Variants in CACNA1C observed in about 807,000 individuals in gnomAD.
CACNA1C encodes the protein voltage-dependent L-type calcium channel subunit alpha-1C.
Under a neutral mutation model 229.0 loss-of-function variants are expected in CACNA1C, and 30 were observed. The observed-to-expected ratio is 0.13, with a 90% confidence interval of 0.10 to 0.18. CACNA1C has a LOEUF of 0.18. Ranked by LOEUF, CACNA1C falls within the 10% of genes least tolerant of loss-of-function variation. CACNA1C has a pLI of 1.00. For synonymous variants in CACNA1C, 1,114 were observed against 1,132.5 expected, an observed-to-expected ratio of 0.98 and a Z score of 0.33; for missense variants, 1,658 against 2,845.0, an observed-to-expected ratio of 0.58 and a Z score of 9.49.
At chr12:2,572,325 T>A (rs2055147650) in intron 13 of CACNA1C, among the ~76,000 whole-genome samples, 1 of 141,260 alleles carries the variant, frequency 7.1e-6, no homozygotes, top group Non-Finnish European at 1.6e-5. Context: ...CTCCTCTTCC[T>A]CCTCCTTCTC....
intron 3 of CACNA1C, among the ~76,000 whole-genome samples, chr12:2,402,998 A>G (rs1313405937): frequency 1.3e-5 from 2 of 152,164 alleles, no homozygotes; most frequent in East Asian, 3.8e-4. Flanking sequence ...TGCGAGCTGA[A>G]AGAGATAGAC....
At chr12:2,435,465 C>T (rs118181172) in intron 3 of CACNA1C, among the ~76,000 whole-genome samples, 2,280 of 152,300 alleles carry the variant, frequency 0.015, 28 homozygotes, top group Non-Finnish European at 0.025. Flanking sequence ...GGTGGGCCCT[C>T]GGCACAGGCC....
rs1042052065 is a variant in CACNA1C, at chr12:2,348,518, C to T, written c.478-100458C>T. Among the ~76,000 whole-genome samples, 4 of 152,232 alleles carry T rather than the reference C, an allele frequency of 2.6e-5. No homozygotes were observed. Among genetic ancestry groups the T allele is most frequent in the African/African-American group, 4.8e-5 (2 of 41,460 alleles). ...GGTTTAGGGCTACAAATAGTCTCCC[C>T]GAGGGAATGGGCTCATACGCCGGGT... On this transcript the variant is annotated intron_variant, in intron 3 of 46. Coordinates refer to ENST00000399655, the MANE Select transcript of CACNA1C (RefSeq NM_000719.7). This position sits in a 1 kb window ranked among gnomAD's most constrained non-coding sequence, Gnocchi z 4.7.
At chr12:2,311,131 G>A (rs187977633) in intron 3 of CACNA1C, among the ~76,000 whole-genome samples, 7 of 152,262 alleles carry the variant, frequency 4.6e-5, no homozygotes, top group East Asian at 3.9e-4. Flanking sequence ...CTTTCCTGAC[G>A]TCAGTAGTTT....
rs553713134 is a variant in CACNA1C at position 2,480,902 on chromosome 12, G to A, written c.758-5202G>A. On this transcript the variant is annotated intron_variant, in intron 5 of 46. Transcript: ENST00000399655. ...ATCCAAACAATGGAATCTAACGTTGGCAATGATCTCCAATTCTAGGGTCTT... is the reference window on the plus strand; with the variant it reads ...ATCCAAACAATGGAATCTAACGTTGACAATGATCTCCAATTCTAGGGTCTT... Among the ~76,000 whole-genome samples the A allele has an allele frequency of 2.6e-5, 4 of 152,302 alleles. No individual in the cohort carries two copies. The East Asian group carries it at 7.7e-4, about 29-fold the overall frequency.
chr12:2,105,080 C>T (rs904163503), intron 1 of CACNA1C, among the ~76,000 whole-genome samples: 3 of 152,180 alleles, frequency 2.0e-5, no homozygotes, highest in East Asian at 1.9e-4. Context: ...GCGTTCCTTA[C>T]GAGGCTTCCT....
In CACNA1C at chr12:2,523,322, T is replaced by C. The variant is rs190089007; in HGVS notation, c.1390+10338T>C. Among the ~76,000 whole-genome samples the C allele has an allele frequency of 5.3e-3, 807 of 152,092 alleles. 9 individuals carry two copies. The highest frequency in any genetic ancestry group is 0.019 in the African/African-American group (774 of 41,504). On this transcript the variant is annotated intron_variant, in intron 9 of 46. Transcript: ENST00000399655. The stretch of plus-strand genomic sequence containing the variant: ...CCCTTTGGAATGGTTTAAGAGGCAG[T>C]TTTGTTTGGAAGGAGATGTGTCAAT...
At chr12:2,454,463 T>C (rs2099404086) in intron 4 of CACNA1C, among the ~76,000 whole-genome samples, 2 of 152,152 alleles carry the variant, frequency 1.3e-5, no homozygotes, top group South Asian at 4.1e-4. Flanking sequence ...CCTGCCACCA[T>C]GTCCACCCTC....
chr12:2,225,210 A>G (rs2062612758), intron 3 of CACNA1C, among the ~76,000 whole-genome samples: 1 of 152,234 alleles, frequency 6.6e-6, no homozygotes, highest in Non-Finnish European at 1.5e-5. Flanking sequence ...TGCATCATTA[A>G]AAAGCATTTA....
Position 2,456,272 on chromosome 12 carries a change from C to T in CACNA1C, c.618-1295C>T, listed in dbSNP as rs564405967. Among the ~76,000 whole-genome samples, 3 of 152,336 alleles carry T rather than the reference C, an allele frequency of 2.0e-5. No individual in the cohort carries two copies. The South Asian group carries it at 6.2e-4, about 32-fold the overall frequency. ...TCTAACTTTTCCTCACTACCTCTAA[C>T]ACCACCACTTGTTCTGAGCCACCCA... On this transcript the variant is annotated intron_variant, in intron 4 of 46. Coordinates refer to ENST00000399655, the MANE Select transcript of CACNA1C (RefSeq NM_000719.7).
At chr12:2,327,663 G>A (rs1567074120) in intron 3 of CACNA1C, among the ~76,000 whole-genome samples, 2 of 152,350 alleles carry the variant, frequency 1.3e-5, no homozygotes, top group South Asian at 4.1e-4. Context: ...AGCTTACCTT[G>A]TGGTTGGTTG....
intron 3 of CACNA1C, among the ~76,000 whole-genome samples, chr12:2,260,996 C>T (rs1050206622): frequency 6.6e-5 from 10 of 151,980 alleles, no homozygotes; most frequent in South Asian, 2.1e-4. Context: ...TTTGAGAGGC[C>T]GAGGCTGGCA....
rs533961033 is a variant in CACNA1C at position 2,467,397 on chromosome 12, C to T, written c.757+9691C>T. Among the ~76,000 whole-genome samples, 42 of 152,220 alleles carry T rather than the reference C, an allele frequency of 2.8e-4. 1 individual carries two copies. The South Asian group carries it at 6.6e-3, about 24-fold the overall frequency. On this transcript the variant is annotated intron_variant, in intron 5 of 46. Coordinates refer to ENST00000399655, the MANE Select transcript of CACNA1C (RefSeq NM_000719.7). The surrounding 1 kb of genome is among the most constrained non-coding windows in gnomAD (Gnocchi z 4.6). ...GTGGGCAGGACCCTTGCTTCCTGCA[C>T]GGTCTGCAAGGGGACTCTGATGGCA...
At chr12:2,286,589 C>T (rs765804928) in intron 3 of CACNA1C, among the ~76,000 whole-genome samples, 11 of 152,100 alleles carry the variant, frequency 7.2e-5, no homozygotes, top group African/African-American at 1.2e-4. Context: ...GAGGTTCATT[C>T]GGGGGCTCTT....
Position 2,582,893 on chromosome 12 carries a change from A to G in CACNA1C, c.2175A>G (p.Pro725=). 1 of 1,604,730 alleles carries G rather than the reference A, an allele frequency of 6.2e-7. No individual in the cohort carries two copies. The highest frequency in any genetic ancestry group is 8.5e-7 in the Non-Finnish European group (1 of 1,174,900). The change falls in exon 15 of 47, where the codon CCA becomes CCG. Residue 725 remains proline, a synonymous_variant. Transcript: ENST00000399655. ...GIMAYGGPSF[P]GMLVCIYFII... ...TGGCTTATGGCGGCCCCTCTTTTCC[A>G]GGGATGTTAGTCTGTATTTACTTCA...
chr12:2,623,312 C>T (rs867363953), intron 29 of CACNA1C, among the ~76,000 whole-genome samples: 6 of 152,048 alleles, frequency 3.9e-5, no homozygotes, highest in African/African-American at 1.2e-4. Context: ...TTCGCTGTTC[C>T]TCGTGGTTCT....
At chr12:2,329,239 T>A (rs2096457533) in intron 3 of CACNA1C, among the ~76,000 whole-genome samples, 1 of 152,240 alleles carries the variant, frequency 6.6e-6, no homozygotes, top group African/African-American at 2.4e-5. Flanking sequence ...GTTCTTTTCC[T>A]GTATGTAACT....
intron 3 of CACNA1C, among the ~76,000 whole-genome samples, chr12:2,349,070 C>T (rs566747746): frequency 2.0e-5 from 3 of 152,188 alleles, no homozygotes; most frequent in Admixed American, 1.3e-4. Flanking sequence ...TTATCCAGCC[C>T]CTTCATCTAT....
chr12:1,998,080 C>A, intron 1 of CACNA1C: 1 of 860,342 alleles, frequency 1.2e-6, no homozygotes, highest in Non-Finnish European at 1.8e-6. Flanking sequence ...CTTCAATGGG[C>A]CAAATATACC....
Sources: allele counts gnomAD v4.1 joint callset (sites outside exome capture counted in the v4.1 genomes callset), GRCh38; gene constraint gnomAD v4.1.1; non-coding constraint Gnocchi (gnomAD v3.1); transcripts MANE v1.5; gene names NCBI Gene and HGNC (gene_info 2026-07-23, HGNC 2026-07-21).